The following POU6F1 variants were observed in gnomAD, a reference collection of about 807,000 sequenced individuals.
The protein encoded by POU6F1 is POU domain, class 6, transcription factor 1.
A neutral mutation model predicts 28.9 loss-of-function variants in POU6F1; 9 were observed. The observed-to-expected ratio is 0.31, with a 90% CI of 0.19 to 0.54. POU6F1 has a LOEUF of 0.54. Ranked by LOEUF, POU6F1 falls within the 20% of genes least tolerant of loss-of-function variation. The pLI is 0.94. For synonymous variants in POU6F1, 173 were observed against 171.1 expected (o/e 1.01, Z -0.09); for missense variants, 338 against 426.1 (o/e 0.79, Z 1.82).
chr12:51,196,855 C>T lies in POU6F1; in HGVS notation c.919G>A (p.Ala307Thr), dbSNP rs151163072. 7.2e-4 allele frequency: 1,167 copies of T among 1,614,002 alleles called. No individual in the cohort carries two copies. Among genetic ancestry groups the T allele is most frequent in the Admixed American group, 1.1e-3 (68 of 60,010 alleles). ...SLTTAPVITS[A>T]IPSMPGISSQ... ...CTGATCCCTGGCATGCTGGGAATGG[C>T]GCTGGTAATGACTGGAGCTGTAGTG... The change falls in exon 7 of 11, where the codon GCC (alanine) becomes ACC (threonine). Residue 307 changes from alanine to threonine, a missense_variant. Physicochemically the swap from Ala to Thr is moderately conservative, Grantham distance 58 (BLOSUM62 0). Around this residue, in one of 3 missense-constraint regions of POU6F1, gnomAD observed 206 missense variants for 225.6 expected, o/e 0.91. Transcript: ENST00000333640.
At position 51,204,096 on chromosome 12, in the gene POU6F1, T is replaced by C. The variant is rs60286120; in HGVS notation, c.244+77A>G. 5.9e-3 allele frequency: 2,333 copies of C among 398,794 alleles called. 38 individuals carry two copies. Among genetic ancestry groups the C allele is most frequent in the African/African-American group, 0.044 (2,140 of 48,708 alleles). 24.7% of individuals were successfully genotyped at this position (398,794 alleles called of 1,614,324 possible). A position where few individuals can be genotyped will look rare whatever the true frequency, so the allele number is the denominator to read the frequency against. ...AAACCACCTGAGCCCCAGGGATTCA[T>C]GCTGGCTCCCCAGGGACCACAGGAG... is the stretch of plus-strand genomic sequence containing the variant. On this transcript the variant is annotated intron_variant, in intron 3 of 10. Transcript: ENST00000333640.
Position 51,189,527 on chromosome 12 carries a change from G to T in POU6F1, c.*720C>A, listed in dbSNP as rs1942255948. On this transcript the variant is annotated 3_prime_UTR_variant, in exon 11 of 11. Coordinates refer to ENST00000333640, the MANE Select transcript of POU6F1 (RefSeq NM_001330422.2). Reference sequence around the variant, plus strand: ...TCCAGAACAGGTAGAGTTCACTGTTGCTTCCTTCCAACATGGATTAAGAAA... The same window carrying T: ...TCCAGAACAGGTAGAGTTCACTGTTTCTTCCTTCCAACATGGATTAAGAAA... The T allele has an allele frequency of 1.3e-5, 2 of 152,246 alleles. No homozygotes were observed. Among genetic ancestry groups the T allele is most frequent in the Non-Finnish European group, 2.9e-5 (2 of 68,116 alleles). The allele number at this position is 152,246 out of a possible 1,614,324, so 9.4% of individuals were successfully genotyped here. A position where few individuals can be genotyped will look rare whatever the true frequency, so the allele number is the denominator to read the frequency against.
In POU6F1 at chr12:51,190,437, G is replaced by A; in HGVS notation, c.1646C>T (p.Thr549Ile). ...CTCTATGGCCTGGGGGGTGAAGGAG[G>A]TGCGGCGTTTGCGTTTCTTGGAGGG... is the stretch of plus-strand genomic sequence containing the variant. ...GEPSKKRKRR[T>I]SFTPQAIEAL... Residue 549 changes from threonine (T) to isoleucine (I), a missense_variant, in exon 11 of 11, where the codon ACC becomes ATC. By Grantham distance (89) the Thr-to-Ile change is moderately conservative. Around this residue, in one of 3 missense-constraint regions of POU6F1, gnomAD observed 126 missense variants for 176.5 expected, o/e 0.71. Coordinates refer to ENST00000333640, the MANE Select transcript of POU6F1 (RefSeq NM_001330422.2). This position sits in a 1 kb window ranked among gnomAD's most constrained non-coding sequence, Gnocchi z 4.5. 6.2e-7 allele frequency: 1 copy of A among 1,614,140 alleles called. No individual in the cohort carries two copies. Among genetic ancestry groups the A allele is most frequent in the Non-Finnish European group, 8.5e-7 (1 of 1,180,022 alleles).
intron 1 of POU6F1, among the ~76,000 whole-genome samples, chr12:51,214,155 AATAAAAATAAAT>A (rs1944168629): frequency 6.6e-6 from 1 of 151,892 alleles, no homozygotes; most frequent in Non-Finnish European, 1.5e-5. Context: ...AAAATAAATA[AATAAAAATAAAT>A]AAATAAATAA....
intron 2 of POU6F1, 22 bp downstream of exon 2, chr12:51,206,767 C>CA (rs1943656558): frequency 2.5e-6 from 1 of 398,594 alleles, no homozygotes; most frequent in African/African-American, 2.1e-5. Flanking sequence ...CTTACCCCCC[C>CA]ACTTCCCACC....
chr12:51,198,581 T>TC lies in POU6F1; in HGVS notation c.560dup (p.Val188SerfsTer92). On this transcript the variant is annotated frameshift_variant, in exon 5 of 11. Transcript: ENST00000333640. LOFTEE classifies it high-confidence loss of function. ...GACCGGCTAAAGGTGGCTTGAACAC[T>TC]CCCCCCGTAGGAGAAGCAGCGGTCA... The TC allele has an allele frequency of 2.5e-6, 1 of 398,956 alleles. No individual in the cohort carries two copies. Among genetic ancestry groups the TC allele is most frequent in the East Asian group, 3.6e-5 (1 of 28,056 alleles). 24.7% of individuals were successfully genotyped at this position (398,956 alleles called of 1,614,324 possible).
intron 3 of POU6F1, among the ~76,000 whole-genome samples, chr12:51,203,216 C>T (rs1943345051): frequency 6.6e-6 from 1 of 152,050 alleles, no homozygotes; most frequent in African/African-American, 2.4e-5. Context: ...AATTAAGGCA[C>T]CAGAGGAAAT....
At chr12:51,201,497 A>G (rs1392210715) in intron 3 of POU6F1, among the ~76,000 whole-genome samples, 1 of 151,620 alleles carries the variant, frequency 6.6e-6, no homozygotes, top group Non-Finnish European at 1.5e-5. Flanking sequence ...GGGCAACAAA[A>G]CAAGATGCTA....
chr12:51,197,460 G>A (rs1004229877), intron 6 of POU6F1, among the ~76,000 whole-genome samples: 2 of 152,316 alleles, frequency 1.3e-5, no homozygotes, highest in South Asian at 2.1e-4. Flanking sequence ...TGTAAGCTCT[G>A]ACTGCACCGT....
In POU6F1 at chr12:51,189,625, C is replaced by T. The variant is rs772752172; in HGVS notation, c.*622G>A. 1 of 153,174 alleles carries T rather than the reference C, an allele frequency of 6.5e-6. No homozygotes were observed. The highest frequency in any genetic ancestry group is 1.5e-5 in the Non-Finnish European group (1 of 68,674). The allele number at this position is 153,174 out of a possible 1,614,324, so 9.5% of individuals were successfully genotyped here. A position where few individuals can be genotyped will look rare whatever the true frequency, so the allele number is the denominator to read the frequency against. ...TGGAAGAGGAGATCCCATGTTCCAG[C>T]CCCAGGGGTTTGGGAACCTTCTGAC... On this transcript the variant is annotated 3_prime_UTR_variant, in exon 11 of 11. Transcript: ENST00000333640.
chr12:51,212,503 G>A (rs1445004189), intron 1 of POU6F1, among the ~76,000 whole-genome samples: 3 of 151,572 alleles, frequency 2.0e-5, no homozygotes, highest in South Asian at 2.1e-4. Context: ...AGTCCAGGCC[G>A]GGCGTGGTGG....
Position 51,196,925 on chromosome 12 carries a change from G to T in POU6F1, c.849C>A (p.Ile283=). Residue 283 remains isoleucine (I), a splice_region_variant and synonymous_variant, in exon 7 of 11, where the codon ATC becomes ATA. Transcript: ENST00000333640. ...TCTGTCCCCCGAGGGAAGCAGCACTGATCTGTGGGTGGAGGAAGAGCCTTG... is the reference window on the plus strand; with the variant it reads ...TCTGTCCCCCGAGGGAAGCAGCACTTATCTGTGGGTGGAGGAAGAGCCTTG... ...PAGFAFSPGI[I]SAASLGGQTQ... 6.4e-7 allele frequency: 1 copy of T among 1,558,390 alleles called. No individual in the cohort carries two copies. Among genetic ancestry groups the T allele is most frequent in the Non-Finnish European group, 8.8e-7 (1 of 1,132,066 alleles).
intron 3 of POU6F1, chr12:51,202,584 G>T (rs914986129): frequency 7.2e-5 from 11 of 152,110 alleles, no homozygotes; most frequent in African/African-American, 2.7e-4. Context: ...GCCCATCTAG[G>T]CCTCCCAAAG....
chr12:51,195,884 G>T (rs1942781529), intron 8 of POU6F1, 86 bp downstream of exon 8: 1 of 1,396,608 alleles, frequency 7.2e-7, no homozygotes, highest in Non-Finnish European at 9.6e-7. Context: ...TTCAGAAGAT[G>T]CTGTCCTGCC....
intron 1 of POU6F1, among the ~76,000 whole-genome samples, chr12:51,212,449 T>C (rs1001064666): frequency 3.9e-5 from 6 of 152,000 alleles, no homozygotes; most frequent in Admixed American, 3.9e-4. Flanking sequence ...GCACTGGGAA[T>C]TCAATGGGGA....
chr12:51,196,244 A>G (rs1942818013), intron 7 of POU6F1, 71 bp from the exon 8 acceptor site: 3 of 1,258,314 alleles, frequency 2.4e-6, no homozygotes, highest in Non-Finnish European at 3.2e-6. Flanking sequence ...CCAGATCCCC[A>G]CACCACCAGG....
chr12:51,204,602 A>C (rs997841209), intron 2 of POU6F1, among the ~76,000 whole-genome samples: 9 of 152,162 alleles, frequency 5.9e-5, no homozygotes, highest in Admixed American at 4.6e-4. Context: ...GAAGGGCCTG[A>C]CGCAAGCTAG....
intron 1 of POU6F1, among the ~76,000 whole-genome samples, chr12:51,212,952 T>A (rs1442787885): frequency 6.6e-6 from 1 of 151,996 alleles, no homozygotes; most frequent in African/African-American, 2.4e-5. Flanking sequence ...GTTTTTTTTT[T>A]TCGAGGCGGA....
chr12:51,199,402 A>G lies in POU6F1; in HGVS notation c.366+345T>C, dbSNP rs938630682. 5.3e-5 allele frequency among the ~76,000 whole-genome samples: 8 copies of G among 152,172 alleles called. No homozygotes were observed. The highest frequency in any genetic ancestry group is 4.4e-5 in the Non-Finnish European group (3 of 68,034). On this transcript the variant is annotated intron_variant, in intron 4 of 10. Coordinates refer to ENST00000333640, the MANE Select transcript of POU6F1 (RefSeq NM_001330422.2). The surrounding 1 kb of genome is among the most constrained non-coding windows in gnomAD (Gnocchi z 4.1). ...TCTAAATGAGGACTCTGAACAATCC[A>G]TTAACTCTTACAGGCATCCACTGGA...
Sources: allele counts gnomAD v4.1 joint callset (sites outside exome capture counted in the v4.1 genomes callset), GRCh38; gene constraint gnomAD v4.1.1; regional missense constraint gnomAD v4.1.1; non-coding constraint Gnocchi (gnomAD v3.1); transcripts MANE v1.5; gene names NCBI Gene and HGNC (gene_info 2026-07-23, HGNC 2026-07-21).